The following RELN variants were observed in gnomAD, a reference collection of about 807,000 sequenced individuals.
The protein encoded by RELN is reelin.
RELN carries 108 observed loss-of-function variants against 427.6 expected under a neutral mutation model. The ratio of observed to expected loss-of-function variants is 0.25; its 90% CI spans 0.22 to 0.30. The LOEUF is 0.30. RELN is among the 10% of genes least tolerant of loss of function. The pLI, the probability that RELN is intolerant of heterozygous loss-of-function variation, is 1.00. For missense variants in RELN, 3,715 were observed against 4,302.8 expected, an observed-to-expected ratio of 0.86 and a Z score of 3.82; for synonymous variants, 1,524 against 1,513.4, an observed-to-expected ratio of 1.01 and a Z score of -0.16.
intron 61 of RELN, chr7:103,484,241 T>C (rs1415525781): frequency 2.2e-5 from 5 of 223,384 alleles, no homozygotes; most frequent in Non-Finnish European, 3.6e-5. Context: ...CTTAATCTTT[T>C]CTTGTTCCTA....
intron 3 of RELN, among the ~76,000 whole-genome samples, chr7:103,781,028 C>A (rs1791875616): frequency 6.6e-6 from 1 of 152,182 alleles, no homozygotes; most frequent in South Asian, 2.1e-4. Context: ...TCTTTCCAAA[C>A]CCTTAGAACC....
rs1055488676 is a variant in RELN at position 103,682,213 on chromosome 7, C to G, written c.1192G>C (p.Gly398Arg). Residue 398 changes from glycine (G) to arginine (R), a missense_variant, in exon 11 of 65, where the codon GGC (glycine) becomes CGC (arginine). Transcript: ENST00000428762. The part of the protein sequence containing the change: ...GNSIYFHGNE[G>R]SEFNFATTRD... ...GTGGTGGCAAAATTGAACTCGCTGCCTTCATTTCCATGGAAATAAATGGAG... is the reference window on the plus strand; with the variant it reads ...GTGGTGGCAAAATTGAACTCGCTGCGTTCATTTCCATGGAAATAAATGGAG... 5.0e-6 allele frequency: 8 copies of G among 1,613,896 alleles called. No individual in the cohort carries two copies. In the African/African-American group the frequency reaches 8.0e-5, roughly 16 times the overall value.
chr7:103,865,826 T>G (rs768776660), intron 2 of RELN, among the ~76,000 whole-genome samples: 1 of 152,180 alleles, frequency 6.6e-6, no homozygotes, highest in Non-Finnish European at 1.5e-5. Context: ...GCTTTTGCTC[T>G]AAGATCGGGA....
Position 103,486,207 on chromosome 7 carries a change from T to C in RELN, c.9973A>G (p.Thr3325Ala). 6.2e-7 allele frequency: 1 copy of C among 1,613,064 alleles called. No homozygotes were observed. Among genetic ancestry groups the C allele is most frequent in the South Asian group, 1.1e-5 (1 of 91,028 alleles). Reference protein sequence around the residue: ...RQAATKPLDLTRASKIMFVLQ... With the variant: ...RQAATKPLDLARASKIMFVLQ... The stretch of plus-strand genomic sequence containing the variant: ...TGGAGGTTTGGGTACCTTGCTCGAG[T>C]GAGATCCAGAGGCTTGGTAGCTGCT... Residue 3325 changes from threonine (T) to alanine (A), a missense_variant, in exon 61 of 65, where the codon ACT (threonine) becomes GCT (alanine). Around this residue, in one of 4 missense-constraint regions of RELN, gnomAD observed 195 missense variants for 281.3 expected, o/e 0.69. Transcript: ENST00000428762.
At chr7:103,722,767 C>G (rs748740649) in intron 8 of RELN, among the ~76,000 whole-genome samples, 1 of 152,158 alleles carries the variant, frequency 6.6e-6, no homozygotes, top group Non-Finnish European at 1.5e-5. Flanking sequence ...TTATCTTTCT[C>G]ACTACCAGTT....
intron 1 of RELN, among the ~76,000 whole-genome samples, chr7:103,944,017 G>A (rs1264225595): frequency 1.3e-5 from 2 of 151,928 alleles, no homozygotes; most frequent in African/African-American, 4.8e-5. Flanking sequence ...CAGACCTCTA[G>A]AGATTTGATG....
chr7:103,704,949 T>G (rs921903702), intron 8 of RELN, among the ~76,000 whole-genome samples: 1 of 152,190 alleles, frequency 6.6e-6, no homozygotes, highest in Non-Finnish European at 1.5e-5. Context: ...GTTATGTGAC[T>G]TTGCAGCAGG....
At chr7:103,499,886 T>C (rs912210244) in intron 53 of RELN, among the ~76,000 whole-genome samples, 3 of 152,244 alleles carry the variant, frequency 2.0e-5, no homozygotes, top group Admixed American at 6.5e-5. Context: ...ACCTGTGGTA[T>C]ATAAAGCTTT....
chr7:103,704,635 C>T (rs1465916820), intron 8 of RELN, among the ~76,000 whole-genome samples: 1 of 151,784 alleles, frequency 6.6e-6, no homozygotes, highest in Non-Finnish European at 1.5e-5. Flanking sequence ...TGGATAATGT[C>T]TATTATCTTA....
At chr7:103,896,678 G>A (rs1169416267) in intron 2 of RELN, among the ~76,000 whole-genome samples, 1 of 151,988 alleles carries the variant, frequency 6.6e-6, no homozygotes, top group African/African-American at 2.4e-5. Flanking sequence ...GGGTTACACA[G>A]GCGTGTACAT....
chr7:103,736,304 T>C (rs890973748), intron 6 of RELN, among the ~76,000 whole-genome samples: 2 of 152,214 alleles, frequency 1.3e-5, no homozygotes, highest in Non-Finnish European at 2.9e-5. Context: ...ATTTACATGA[T>C]CATTTTCAAG....
chr7:103,937,440 T>C (rs1047850000), intron 1 of RELN, among the ~76,000 whole-genome samples: 1 of 152,230 alleles, frequency 6.6e-6, no homozygotes, highest in African/African-American at 2.4e-5. Context: ...CTTCCTACTA[T>C]ATTATCCCTG....
In RELN at chr7:103,945,071, A is replaced by G. The variant is rs182949848; in HGVS notation, c.227-27886T>C. ...CAGTTCACTTGCAAAATACAATTACAAGATGAATTGTGACAAGAGTTAAAC... is the reference window on the plus strand; with the variant it reads ...CAGTTCACTTGCAAAATACAATTACGAGATGAATTGTGACAAGAGTTAAAC... On this transcript the variant is annotated intron_variant, in intron 1 of 64. Coordinates refer to ENST00000428762, the MANE Select transcript of RELN (RefSeq NM_005045.4). Among the ~76,000 whole-genome samples the G allele has an allele frequency of 2.1e-4, 32 of 152,328 alleles. 1 individual carries two copies. Among genetic ancestry groups the G allele is most frequent in the Admixed American group, 1.3e-3 (20 of 15,302 alleles).
chr7:103,668,682 A>G (rs1362146910), intron 11 of RELN, among the ~76,000 whole-genome samples: 1 of 152,228 alleles, frequency 6.6e-6, no homozygotes, highest in Non-Finnish European at 1.5e-5. Context: ...AGCACATGGA[A>G]TAGTAACTTT....
chr7:103,816,310 C>G (rs1792868217), intron 3 of RELN, among the ~76,000 whole-genome samples: 1 of 152,092 alleles, frequency 6.6e-6, no homozygotes, highest in Admixed American at 6.6e-5. Context: ...ACCAAGGAGG[C>G]AGAGGCTGCA....
chr7:103,707,428 A>T (rs1183950252), intron 8 of RELN, among the ~76,000 whole-genome samples: 1 of 152,232 alleles, frequency 6.6e-6, no homozygotes, highest in Non-Finnish European at 1.5e-5. Context: ...TCATAAATTT[A>T]AGATACACAT....
At chr7:103,577,111 A>T (rs1170173343) in intron 28 of RELN, among the ~76,000 whole-genome samples, 1 of 152,238 alleles carries the variant, frequency 6.6e-6, no homozygotes, top group Non-Finnish European at 1.5e-5. Context: ...TTTTGAGTTA[A>T]TCCAGCTTCT....
rs1385520986 is a variant in RELN at position 103,542,880 on chromosome 7, T to C, written c.6524-2A>G. On this transcript the variant is annotated splice_acceptor_variant, in intron 42 of 64. Coordinates refer to ENST00000428762, the MANE Select transcript of RELN (RefSeq NM_005045.4). LOFTEE classifies it high-confidence loss of function. ...AGAATCTATCAGATTCTAGCTGACC[T>C]GAAAAAATTGGAAAATATGGTTTAC... 6.2e-7 allele frequency: 1 copy of C among 1,613,914 alleles called. No homozygotes were observed. The highest frequency in any genetic ancestry group is 8.5e-7 in the Non-Finnish European group (1 of 1,179,970).
chr7:103,489,155 C>G (rs1042060865), intron 60 of RELN, among the ~76,000 whole-genome samples: 2 of 151,756 alleles, frequency 1.3e-5, no homozygotes, highest in Non-Finnish European at 2.9e-5. Context: ...ATATACTCAA[C>G]CTCTAGAAAC....
Sources: gnomAD v4.1 joint callset for allele counts (sites outside exome capture counted in the v4.1 genomes callset) on GRCh38, gnomAD v4.1.1 for gene constraint, gnomAD v4.1.1 regional missense constraint, MANE v1.5 for transcripts, NCBI Gene and HGNC (gene_info 2026-07-23, HGNC 2026-07-21) for gene names.